HARS1: variants seen among roughly 807,000 people sequenced by gnomAD.
HARS1 encodes histidyl-tRNA synthetase 1, also known as histidine--tRNA ligase, cytoplasmic.
Under a neutral mutation model 63.6 loss-of-function variants are expected in HARS1, and 45 were observed. The observed-to-expected ratio is 0.71, with a 90% CI of 0.56 to 0.91. HARS1 has a LOEUF of 0.91. Among genes scored for constraint, HARS1 ranks in the 40% least tolerant of loss-of-function variants. The pLI is 0.00. For synonymous variants in HARS1, 205 were observed against 247.1 expected, an observed-to-expected ratio of 0.83 and a Z score of 1.60; for missense variants, 508 against 643.2, an observed-to-expected ratio of 0.79 and a Z score of 2.27.
At chr5:140,680,665 G>A (rs1340846947) in intron 3 of HARS1, among the ~76,000 whole-genome samples, 1 of 151,134 alleles carries the variant, frequency 6.6e-6, no homozygotes, top group Non-Finnish European at 1.5e-5. Context: ...CCAACATGGT[G>A]AAACCCTGTC....
In HARS1 at chr5:140,679,787, C is replaced by T. The variant is rs779969979; in HGVS notation, c.396+1G>A. 6 of 1,547,226 alleles carry T rather than the reference C, an allele frequency of 3.9e-6. No homozygotes were observed. The highest frequency in any genetic ancestry group is 1.8e-6 in the Non-Finnish European group (2 of 1,121,828). Reference sequence around the variant, plus strand: ...TCAAGAGCCCAAGTTTAGAAAGATACAGTGAGGTCATAGCGAAGGGACAGG... The same window carrying T: ...TCAAGAGCCCAAGTTTAGAAAGATATAGTGAGGTCATAGCGAAGGGACAGG... On this transcript the variant is annotated splice_donor_variant, in intron 4 of 12. Coordinates refer to ENST00000504156, the MANE Select transcript of HARS1 (RefSeq NM_002109.6). LOFTEE classifies it high-confidence loss of function. The surrounding 1 kb of genome is among the most constrained non-coding windows in gnomAD (Gnocchi z 4.3).
intron 3 of HARS1, among the ~76,000 whole-genome samples, chr5:140,682,272 T>A (rs1012050096): frequency 6.6e-6 from 1 of 151,904 alleles, no homozygotes; most frequent in Non-Finnish European, 1.5e-5. Flanking sequence ...TCTAGTATAA[T>A]CTGAAATAAA....
At chr5:140,683,008 GC>G in intron 3 of HARS1, 91 bp downstream of exon 3, 1 of 1,206,630 alleles carries the variant, frequency 8.3e-7, no homozygotes, top group Non-Finnish European at 1.2e-6. Context: ...ACAGGAGTGG[GC>G]CCTTTGGACC....
rs764705217 is a variant in HARS1 at position 140,676,429 on chromosome 5, A to G, written c.1194+225T>C. ...CCAGGTTTGTGACAGCCCTGAAGGA[A>G]GTAGAGACCCAGAGCAGAGGATTGA... On this transcript the variant is annotated intron_variant, in intron 10 of 12. Transcript: ENST00000504156. This position sits in a 1 kb window ranked among gnomAD's most constrained non-coding sequence, Gnocchi z 4.1. 88 of 554,826 alleles carry G rather than the reference A, an allele frequency of 1.6e-4. No homozygotes were observed. The highest frequency in any genetic ancestry group is 4.8e-4 in the Middle Eastern group (1 of 2,098). 34.4% of individuals were successfully genotyped at this position (554,826 alleles called of 1,614,324 possible). A position where few individuals can be genotyped will look rare whatever the true frequency, so the allele number is the denominator to read the frequency against.
chr5:140,677,255 C>T, intron 8 of HARS1, 72 bp downstream of exon 8: 1 of 1,407,122 alleles, frequency 7.1e-7, no homozygotes, highest in Non-Finnish European at 1.0e-6. Flanking sequence ...ACATACATAA[C>T]ACAGAACAGT....
chr5:140,674,273 G>A lies in HARS1; in HGVS notation c.1514C>T (p.Pro505Leu). The change falls in exon 13 of 13, where the codon CCC (proline) becomes CTC (leucine). Residue 505 changes from proline to leucine, a missense_variant. Around this residue, in one of 2 missense-constraint regions of HARS1, gnomAD observed 403 missense variants for 548.7 expected, o/e 0.73. Coordinates refer to ENST00000504156, the MANE Select transcript of HARS1 (RefSeq NM_002109.6). ...VEEIKRRTGQ[P>L]LCIC ...TTGTTCAGTTCAGCAGATGCAGAGG[G>A]GCTGGCCTGTTCTCCTTTTGATTTC... 6.2e-7 allele frequency: 1 copy of A among 1,609,090 alleles called. No homozygotes were observed. Among genetic ancestry groups the A allele is most frequent in the Non-Finnish European group, 8.5e-7 (1 of 1,175,394 alleles).
At chr5:140,677,232 C>T in intron 8 of HARS1, 95 bp downstream of exon 8, 2 of 1,365,784 alleles carry the variant, frequency 1.5e-6, no homozygotes, top group Non-Finnish European at 2.1e-6. Flanking sequence ...TGCATAGACA[C>T]ACTCACTCCC....
At chr5:140,690,721 C>A (rs899334042) in intron 2 of HARS1, 134 bp downstream of exon 2, 4 of 665,170 alleles carry the variant, frequency 6.0e-6, no homozygotes, top group East Asian at 2.6e-5. Context: ...TCCAGCCCAG[C>A]GCCCAGAGCG....
At chr5:140,684,157 G>T (rs1758888073) in intron 2 of HARS1, 1 of 155,950 alleles carries the variant, frequency 6.4e-6, no homozygotes, top group East Asian at 1.9e-4. Context: ...GGGCGTGGTG[G>T]CAGGTGCCTG....
In HARS1 at chr5:140,676,617, T is replaced by A. The variant is rs765715052; in HGVS notation, c.1194+37A>T. 2 of 1,598,990 alleles carry A rather than the reference T, an allele frequency of 1.3e-6. No homozygotes were observed. The highest frequency in any genetic ancestry group is 1.7e-6 in the Non-Finnish European group (2 of 1,168,496). Reference sequence around the variant, plus strand: ...ATCAGATAGCTTAGGTGCCACCACCTGCTCAGACTATCTTCTACCTACCTC... The same window carrying A: ...ATCAGATAGCTTAGGTGCCACCACCAGCTCAGACTATCTTCTACCTACCTC... On this transcript the variant is annotated intron_variant, in intron 10 of 12. Coordinates refer to ENST00000504156, the MANE Select transcript of HARS1 (RefSeq NM_002109.6). The surrounding 1 kb of genome is among the most constrained non-coding windows in gnomAD (Gnocchi z 4.1).
chr5:140,679,212 C>T lies in HARS1; in HGVS notation c.397-85G>A. 1 of 1,389,592 alleles carries T rather than the reference C, an allele frequency of 7.2e-7. No individual in the cohort carries two copies. The highest frequency in any genetic ancestry group is 2.3e-5 in the East Asian group (1 of 43,424). 86.1% of individuals were successfully genotyped at this position (1,389,592 alleles called of 1,614,324 possible). On this transcript the variant is annotated intron_variant, in intron 4 of 12. Transcript: ENST00000504156. This position sits in a 1 kb window ranked among gnomAD's most constrained non-coding sequence, Gnocchi z 4.3. ...TCACCAACAGAAGCTGGGGTCTAAC[C>T]CCTCCCTATGTGGGTAAAACTGCCA...
At position 140,675,123 on chromosome 5, in the gene HARS1, T is replaced by C. The variant is rs1159574820; in HGVS notation, c.1205A>G (p.Glu402Gly). 2 of 1,604,250 alleles carry C rather than the reference T, an allele frequency of 1.2e-6. No homozygotes were observed. The highest frequency in any genetic ancestry group is 1.7e-6 in the Non-Finnish European group (2 of 1,171,372). ...IVEQRLEALE[E>G]KIRTTETQVL... is the part of the protein sequence containing the mutation. Reference sequence around the variant, plus strand: ...CTGTGTCTCCGTGGTCCGTATCTTCTCCTCCAAAGCCTGGGGAAGGGGCAG... The same window carrying C: ...CTGTGTCTCCGTGGTCCGTATCTTCCCCTCCAAAGCCTGGGGAAGGGGCAG... The change falls in exon 11 of 13, where the codon GAG becomes GGG. Residue 402 changes from glutamate (E) to glycine (G), a missense_variant. Transcript: ENST00000504156.
rs1233966019 is a variant in HARS1, at chr5:140,677,897, T to A, written c.630+11A>T. On this transcript the variant is annotated intron_variant, in intron 6 of 12. Coordinates refer to ENST00000504156, the MANE Select transcript of HARS1 (RefSeq NM_002109.6). ...GCCCAACTTTGCCCTCCCAGCCTTG[T>A]CAGCTCTGACCTTGACCAGGAAGTC... 6.3e-7 allele frequency: 1 copy of A among 1,581,742 alleles called. No individual in the cohort carries two copies. The highest frequency in any genetic ancestry group is 1.1e-5 in the South Asian group (1 of 90,428).
Position 140,683,206 on chromosome 5 carries a change from T to A in HARS1, c.194A>T (p.Tyr65Phe). The A allele has an allele frequency of 3.7e-6, 6 of 1,613,918 alleles. No homozygotes were observed. The highest frequency in any genetic ancestry group is 5.1e-6 in the Non-Finnish European group (6 of 1,179,758). ...GCGAACTGCCATCTGCCGGGGACTA[T>A]AGTCTCTTGTGCCCTTGGAGTTGAA... ...VLKTPKGTRD[Y>F]SPRQMAVREK... Residue 65 changes from tyrosine (Y) to phenylalanine (F), a missense_variant, in exon 3 of 13, where the codon TAT becomes TTT. Tyr to Phe is a conservative substitution (Grantham distance 22). This residue lies in a region of HARS1 where 105 missense variants were observed against 94.5 expected (regional missense o/e 1.11). Coordinates refer to ENST00000504156, the MANE Select transcript of HARS1 (RefSeq NM_002109.6).
At position 140,677,689 on chromosome 5, in the gene HARS1, C is replaced by T. The variant is rs550778711; in HGVS notation, c.695G>A (p.Arg232His). The stretch of plus-strand genomic sequence containing the variant: ...CTTGTCTACTGAGGAGCAGATGGTA[C>T]GGAACTTGCTGTCAGAAACACCACA... ...AICGVSDSKF[R>H]TICSSVDKLD... The change falls in exon 7 of 13, where the codon CGT becomes CAT. Residue 232 changes from arginine (R) to histidine (H), a missense_variant. Coordinates refer to ENST00000504156, the MANE Select transcript of HARS1 (RefSeq NM_002109.6). 1.4e-5 allele frequency: 23 copies of T among 1,611,578 alleles called. No homozygotes were observed. The highest frequency in any genetic ancestry group is 1.1e-4 in the East Asian group (5 of 44,822).
At position 140,678,986 on chromosome 5, in the gene HARS1, G is replaced by A. The variant is rs746987090; in HGVS notation, c.522+16C>T. 1.9e-6 allele frequency: 3 copies of A among 1,613,062 alleles called. No individual in the cohort carries two copies. Among genetic ancestry groups the A allele is most frequent in the East Asian group, 4.5e-5 (2 of 44,852 alleles). ...CCCAAGTAACTCATCCTGCCCCACG[G>A]TTTCCCAACACTCACACACTGGTAG... On this transcript the variant is annotated intron_variant, in intron 5 of 12. Transcript: ENST00000504156.
Position 140,676,832 on chromosome 5 carries a change from A to C in HARS1, c.1016T>G (p.Val339Gly). ...TGCCTGGGCTGGGGTCTGTAGCAGC[A>C]CTGCCTCATAGATCACCCCAGTGTA... ...DYYTGVIYEA[V>G]LLQTPAQAGE... Residue 339 changes from valine to glycine, a missense_variant, in exon 10 of 13, where the codon GTG becomes GGG. By Grantham distance (109) the Val-to-Gly change is moderately radical. Around this residue, in one of 2 missense-constraint regions of HARS1, gnomAD observed 403 missense variants for 548.7 expected, o/e 0.73. Coordinates refer to ENST00000504156, the MANE Select transcript of HARS1 (RefSeq NM_002109.6). The surrounding 1 kb of genome is among the most constrained non-coding windows in gnomAD (Gnocchi z 4.1). The C allele has an allele frequency of 6.2e-7, 1 of 1,614,244 alleles. No homozygotes were observed. Among genetic ancestry groups the C allele is most frequent in the Non-Finnish European group, 8.5e-7 (1 of 1,180,032 alleles).
chr5:140,675,571 T>G (rs1263471525), intron 10 of HARS1: 1 of 152,364 alleles, frequency 6.6e-6, no homozygotes, highest in Non-Finnish European at 1.5e-5. Context: ...AAAAAAAATT[T>G]TTTTTTTTAA....
chr5:140,679,746 C>T lies in HARS1; in HGVS notation c.396+42G>A. On this transcript the variant is annotated intron_variant, in intron 4 of 12. Transcript: ENST00000504156. This position sits in a 1 kb window ranked among gnomAD's most constrained non-coding sequence, Gnocchi z 4.3. ...TCTTAAACCTGAGCCAAGTGAGTGC[C>T]AATCCATCCAAAGTCTCAAGAGCCC... is the stretch of plus-strand genomic sequence containing the variant. The T allele has an allele frequency of 2.0e-6, 2 of 1,013,734 alleles. No homozygotes were observed. Among genetic ancestry groups the T allele is most frequent in the South Asian group, 1.3e-5 (1 of 75,424 alleles). The allele number at this position is 1,013,734 out of a possible 1,614,324, so 62.8% of individuals were successfully genotyped here. A position where few individuals can be genotyped will look rare whatever the true frequency, so the allele number is the denominator to read the frequency against.
Sources: gnomAD v4.1 joint callset for allele counts (sites outside exome capture counted in the v4.1 genomes callset) on GRCh38, gnomAD v4.1.1 for gene constraint, gnomAD v4.1.1 regional missense constraint, Gnocchi (gnomAD v3.1) non-coding constraint, MANE v1.5 for transcripts, NCBI Gene and HGNC (gene_info 2026-07-23, HGNC 2026-07-21) for gene names.